Variants in XKR5 observed in about 807,000 individuals in gnomAD.
XKR5 encodes the protein XK related 5, also known as XK-related protein 5.
Under a neutral mutation model 40.8 loss-of-function variants are expected in XKR5, and 46 were observed. The observed-to-expected ratio is 1.13, with a 90% CI of 0.89 to 1.44. The LOEUF is 1.44. XKR5 is among the 40% of genes most tolerant of loss of function. The pLI, the probability that XKR5 is intolerant of heterozygous loss-of-function variation, is 0.00. For synonymous variants in XKR5, 466 were observed against 356.1 expected, an observed-to-expected ratio of 1.31 and a Z score of -3.48; for missense variants, 1,169 against 844.7, an observed-to-expected ratio of 1.38 and a Z score of -4.76.
rs1371900175 is a variant in XKR5, at chr8:6,822,009, G to A, written c.667C>T (p.Leu223Phe). 6.2e-7 allele frequency: 1 copy of A among 1,606,214 alleles called. No individual in the cohort carries two copies. The highest frequency in any genetic ancestry group is 2.2e-5 in the East Asian group (1 of 44,578). The change falls in exon 5 of 7, where the codon CTT becomes TTT. Residue 223 changes from leucine (L) to phenylalanine (F), a missense_variant. Leu to Phe is a conservative substitution (Grantham distance 22). Transcript: ENST00000618742. The stretch of plus-strand genomic sequence containing the variant: ...ATGATGTCACTCTGCTGGGCGACAA[G>A]CCAGAATGTCATCACCAGCCAGTGG... The part of the protein sequence containing the change: ...GAHWLVMTFW[L>F]VAQQSDIIDS...
In XKR5 at chr8:6,814,332, G is replaced by A. The variant is rs572375048; in HGVS notation, c.919+1475C>T. ...GCCATCAAAAGCAAGGAGCAACCCG[G>A]GAGGCTCTCCGGAGAGCTCTGCCAA... On this transcript the variant is annotated intron_variant, in intron 6 of 6. Transcript: ENST00000618742. Among the ~76,000 whole-genome samples, 90 of 152,282 alleles carry A rather than the reference G, an allele frequency of 5.9e-4. 2 individuals carry two copies. Among genetic ancestry groups the A allele is most frequent in the African/African-American group, 2.1e-3 (86 of 41,572 alleles).
At chr8:6,816,838 T>C (rs556437009) in intron 5 of XKR5, among the ~76,000 whole-genome samples, 1 of 151,852 alleles carries the variant, frequency 6.6e-6, no homozygotes, top group South Asian at 2.1e-4. Context: ...TCAAAAGATT[T>C]GCCAGGTTAT....
intron 2 of XKR5, among the ~76,000 whole-genome samples, chr8:6,826,831 A>G (rs930607209): frequency 7.2e-5 from 11 of 152,148 alleles, no homozygotes; most frequent in African/African-American, 2.7e-4. Flanking sequence ...GCCGAGAACC[A>G]GGCAGCGGAG....
intron 5 of XKR5, among the ~76,000 whole-genome samples, chr8:6,819,245 C>T (rs1804112019): frequency 6.6e-6 from 1 of 152,192 alleles, no homozygotes; most frequent in Non-Finnish European, 1.5e-5. Context: ...GTCTGGCAGC[C>T]TCTTTCCTGT....
intron 2 of XKR5, among the ~76,000 whole-genome samples, chr8:6,830,305 C>A (rs1387809448): frequency 6.6e-6 from 1 of 152,184 alleles, no homozygotes; most frequent in Non-Finnish European, 1.5e-5. Flanking sequence ...TCTAGAATTG[C>A]AATTTGGAAA....
rs533481979 is a variant in XKR5 at position 6,821,760 on chromosome 8, A to G, written c.807+109T>C. On this transcript the variant is annotated intron_variant, in intron 5 of 6. Coordinates refer to ENST00000618742, the MANE Select transcript of XKR5 (RefSeq NM_207411.5). ...TTAAACTAAGCTATTCCTTTTCAAT[A>G]GATAGGTGTGCATTGGTGCACACAC... The G allele has an allele frequency of 2.0e-4, 180 of 909,478 alleles. No homozygotes were observed. In the African/African-American group the frequency reaches 2.9e-3, roughly 15 times the overall value. 56.3% of individuals were successfully genotyped at this position (909,478 alleles called of 1,614,324 possible). A position where few individuals can be genotyped will look rare whatever the true frequency, so the allele number is the denominator to read the frequency against.
chr8:6,835,430 A>G lies in XKR5; in HGVS notation c.58+6T>C. 6.8e-7 allele frequency: 1 copy of G among 1,479,886 alleles called. No individual in the cohort carries two copies. The highest frequency in any genetic ancestry group is 8.9e-7 in the Non-Finnish European group (1 of 1,122,060). The allele number at this position is 1,479,886 out of a possible 1,614,324, so 91.7% of individuals were successfully genotyped here. A position where few individuals can be genotyped will look rare whatever the true frequency, so the allele number is the denominator to read the frequency against. On this transcript the variant is annotated splice_donor_region_variant and intron_variant, in intron 1 of 6. Transcript: ENST00000618742. ...GGTGAGCACAGCCTCGGGCTGCCGC[A>G]CTCACGCGCGCTCTGCTCGGCCGCC...
Position 6,810,349 on chromosome 8 carries a change from G to A in XKR5, c.*849C>T, listed in dbSNP as rs1281258723. The A allele has an allele frequency of 6.6e-6, 1 of 152,228 alleles. No homozygotes were observed. The highest frequency in any genetic ancestry group is 1.5e-5 in the Non-Finnish European group (1 of 68,052). The allele number at this position is 152,228 out of a possible 1,614,324, so 9.4% of individuals were successfully genotyped here. A position where few individuals can be genotyped will look rare whatever the true frequency, so the allele number is the denominator to read the frequency against. On this transcript the variant is annotated 3_prime_UTR_variant, in exon 7 of 7. Transcript: ENST00000618742. ...ACGTTTCCTCCCTTCTTTTTGGATG[G>A]GCTTAAATCATGGATAGTGTCTCAC...
At chr8:6,827,067 C>G (rs758631819) in intron 2 of XKR5, among the ~76,000 whole-genome samples, 2 of 152,152 alleles carry the variant, frequency 1.3e-5, no homozygotes, top group African/African-American at 2.4e-5. Flanking sequence ...CACAGACCAC[C>G]TTCCTTACAA....
rs180893929 is a variant in XKR5, at chr8:6,810,840, C to G, written c.*358G>C. ...GCAAAGCTAATTGTAACAAGAACCT[C>G]AAATAAAATAGGAATCTGGGTTTTA... On this transcript the variant is annotated 3_prime_UTR_variant, in exon 7 of 7. Transcript: ENST00000618742. 55 of 180,276 alleles carry G rather than the reference C, an allele frequency of 3.1e-4. No homozygotes were observed. The Middle Eastern group carries it at 0.015, about 50-fold the overall frequency. 11.2% of individuals were successfully genotyped at this position (180,276 alleles called of 1,614,324 possible). A position where few individuals can be genotyped will look rare whatever the true frequency, so the allele number is the denominator to read the frequency against.
In XKR5 at chr8:6,812,267, C is replaced by T. The variant is rs1487672493; in HGVS notation, c.992G>A (p.Arg331Lys). ...KSTDIWQGCL[R>K]KSCGIAGGDK... ...ACCTCCTGCAATGCCACAGGACTTC[C>T]TTAGGCAGCCCTGCCAGATGTCTGT... The change falls in exon 7 of 7, where the codon AGG (arginine) becomes AAG (lysine). Residue 331 changes from arginine (R) to lysine (K), a missense_variant. Physicochemically the swap from Arg to Lys is conservative, Grantham distance 26 (BLOSUM62 2). Coordinates refer to ENST00000618742, the MANE Select transcript of XKR5 (RefSeq NM_207411.5). 3.9e-6 allele frequency: 6 copies of T among 1,553,840 alleles called. No homozygotes were observed. The highest frequency in any genetic ancestry group is 5.2e-6 in the Non-Finnish European group (6 of 1,147,782).
At chr8:6,825,577 C>T (rs1054242116) in intron 2 of XKR5, among the ~76,000 whole-genome samples, 2 of 151,846 alleles carry the variant, frequency 1.3e-5, no homozygotes, top group African/African-American at 4.8e-5. Flanking sequence ...ACTCTCCCCA[C>T]GTCTGGTACC....
chr8:6,811,438 A>C lies in XKR5; in HGVS notation c.1821T>G (p.Cys607Trp). ...DISPILGTGPCRGFCPSAGFP... is the reference protein window; with the variant it reads ...DISPILGTGPWRGFCPSAGFP... ...AGCCTGCACTGGGGCAGAAGCCTCT[A>C]CATGGGCCTGTGCCTAGGATGGGGC... is the stretch of plus-strand genomic sequence containing the variant. Residue 607 changes from cysteine to tryptophan, a missense_variant, in exon 7 of 7, where the codon TGT becomes TGG. Transcript: ENST00000618742. 1 of 1,536,704 alleles carries C rather than the reference A, an allele frequency of 6.5e-7. No homozygotes were observed. The highest frequency in any genetic ancestry group is 1.4e-5 in the African/African-American group (1 of 73,160).
Position 6,812,240 on chromosome 8 carries a change from T to C in XKR5, c.1019A>G (p.Asp340Gly). ...LRKSCGIAGGDKTERRDSPRA... is the reference protein window; with the variant it reads ...LRKSCGIAGGGKTERRDSPRA... ...GGGAGAATCTCTTCTCTCTGTTTTA[T>C]CACCTCCTGCAATGCCACAGGACTT... Residue 340 changes from aspartate (D) to glycine (G), a missense_variant, in exon 7 of 7, where the codon GAT becomes GGT. Transcript: ENST00000618742. 5 of 1,552,698 alleles carry C rather than the reference T, an allele frequency of 3.2e-6. No homozygotes were observed. Among genetic ancestry groups the C allele is most frequent in the Non-Finnish European group, 4.4e-6 (5 of 1,147,292 alleles).
At chr8:6,826,669 A>G (rs1036757943) in intron 2 of XKR5, among the ~76,000 whole-genome samples, 8 of 152,166 alleles carry the variant, frequency 5.3e-5, no homozygotes, top group African/African-American at 1.9e-4. Context: ...GAGCCCCCAT[A>G]AGGAGAGATC....
Position 6,808,935 on chromosome 8 carries a change from T to C in XKR5, c.*2263A>G, listed in dbSNP as rs945855406. On this transcript the variant is annotated 3_prime_UTR_variant, in exon 7 of 7. Coordinates refer to ENST00000618742, the MANE Select transcript of XKR5 (RefSeq NM_207411.5). ...TCATGCTGTTGAATGCTCTAACGCC[T>C]ACTTTTGCTGGACACTCTGCTGGAC... 6.6e-6 allele frequency: 1 copy of C among 152,232 alleles called. No individual in the cohort carries two copies. Among genetic ancestry groups the C allele is most frequent in the Non-Finnish European group, 1.5e-5 (1 of 68,056 alleles). 9.4% of individuals were successfully genotyped at this position (152,232 alleles called of 1,614,324 possible).
Position 6,811,164 on chromosome 8 carries a change from G to C in XKR5, c.*34C>G. ...CGGTACCAAATGGCCAGCTTGGTTT[G>C]TCAGCCTGTTGTCTTATCCCACCAT... On this transcript the variant is annotated 3_prime_UTR_variant, in exon 7 of 7. Transcript: ENST00000618742. The C allele has an allele frequency of 1.3e-6, 2 of 1,501,572 alleles. No individual in the cohort carries two copies. Among genetic ancestry groups the C allele is most frequent in the South Asian group, 1.3e-5 (1 of 79,012 alleles). The allele number at this position is 1,501,572 out of a possible 1,614,324, so 93.0% of individuals were successfully genotyped here. A position where few individuals can be genotyped will look rare whatever the true frequency, so the allele number is the denominator to read the frequency against.
chr8:6,811,782 C>G lies in XKR5; in HGVS notation c.1477G>C (p.Asp493His), dbSNP rs182635679. 6.5e-7 allele frequency: 1 copy of G among 1,537,652 alleles called. No homozygotes were observed. Among genetic ancestry groups the G allele is most frequent in the South Asian group, 1.2e-5 (1 of 84,056 alleles). The change falls in exon 7 of 7, where the codon GAT becomes CAT. Residue 493 changes from aspartate to histidine, a missense_variant. By Grantham distance (81) the Asp-to-His change is moderately conservative. Coordinates refer to ENST00000618742, the MANE Select transcript of XKR5 (RefSeq NM_207411.5). ...ETSSYVSFAS[D>H]QQDEAPTQNP... The stretch of plus-strand genomic sequence containing the variant: ...TGGGTAGGTGCTTCATCCTGCTGAT[C>G]GCTGGCAAAAGATACGTAACTTGAG...
chr8:6,817,763 G>C (rs1302098809), intron 5 of XKR5, among the ~76,000 whole-genome samples: 2 of 152,134 alleles, frequency 1.3e-5, no homozygotes, highest in African/African-American at 4.8e-5. Flanking sequence ...CTATTACCCA[G>C]AACTGTCTCC....
Sources: gnomAD v4.1 joint callset for allele counts (sites outside exome capture counted in the v4.1 genomes callset) on GRCh38, gnomAD v4.1.1 for gene constraint, MANE v1.5 for transcripts, NCBI Gene and HGNC (gene_info 2026-07-23, HGNC 2026-07-21) for gene names.